Variants in SLC4A4 observed in about 807,000 individuals in gnomAD.
SLC4A4 encodes the protein solute carrier family 4 member 4, also known as electrogenic sodium bicarbonate cotransporter 1.
SLC4A4 carries 27 observed loss-of-function variants against 111.5 expected under a neutral mutation model. The ratio of observed to expected loss-of-function variants is 0.24; its 90% confidence interval spans 0.18 to 0.33. The LOEUF (loss-of-function observed/expected upper bound fraction) is 0.33. Among genes scored for constraint, SLC4A4 ranks in the 10% least tolerant of loss-of-function variants. The pLI, the probability that SLC4A4 is intolerant of heterozygous loss-of-function variation, is 1.00. For missense variants in SLC4A4, 909 were observed against 1,315.5 expected (o/e 0.69, Z 4.78); for synonymous variants, 443 against 463.4 (o/e 0.96, Z 0.57).
intron 13 of SLC4A4, among the ~76,000 whole-genome samples, chr4:71,470,056 T>A (rs549603923): frequency 3.9e-5 from 6 of 152,170 alleles, no homozygotes; most frequent in African/African-American, 1.4e-4. Flanking sequence ...ACTAGGTAAT[T>A]GTTTAAAATT....
At chr4:71,356,943 G>C (rs1730334874) in intron 5 of SLC4A4, 65 bp from the exon 6 acceptor site, 2 of 1,440,640 alleles carry the variant, frequency 1.4e-6, no homozygotes, top group South Asian at 1.2e-5. Flanking sequence ...CATAAAGTTA[G>C]AGTAAAAAAA....
intron 1 of SLC4A4, among the ~76,000 whole-genome samples, chr4:71,077,059 CATAATAT>C (rs749844238): frequency 6.8e-6 from 1 of 146,652 alleles, no homozygotes; most frequent in Non-Finnish European, 1.5e-5. Context: ...TATACATATA[CATAATAT>C]ATAATATATA....
intron 2 of SLC4A4, among the ~76,000 whole-genome samples, chr4:71,179,173 C>T (rs1297110942): frequency 6.6e-6 from 1 of 152,154 alleles, no homozygotes; most frequent in African/African-American, 2.4e-5. Flanking sequence ...GCTAAAAACT[C>T]TCAATAAATT....
At chr4:71,153,435 G>T (rs1048528089) in intron 2 of SLC4A4, among the ~76,000 whole-genome samples, 1 of 152,094 alleles carries the variant, frequency 6.6e-6, no homozygotes, top group African/African-American at 2.4e-5. Flanking sequence ...CTTCCTGGAA[G>T]TACTAGGGAG....
chr4:71,219,389 G>C (rs1718612319), intron 1 of SLC4A4, among the ~76,000 whole-genome samples: 1 of 152,194 alleles, frequency 6.6e-6, no homozygotes, highest in Non-Finnish European at 1.5e-5. Context: ...TTTATAGCAT[G>C]ATTTACTGAA....
At chr4:71,161,521 T>A (rs1286268646) in intron 2 of SLC4A4, among the ~76,000 whole-genome samples, 4 of 152,186 alleles carry the variant, frequency 2.6e-5, no homozygotes, top group Non-Finnish European at 5.9e-5. Context: ...TGGCTAACCT[T>A]ATTTGTAATT....
chr4:71,084,774 T>C (rs2148936481), intron 1 of SLC4A4, among the ~76,000 whole-genome samples: 1 of 152,224 alleles, frequency 6.6e-6, no homozygotes, highest in African/African-American at 2.4e-5. Context: ...ATGGTGTATA[T>C]GTGCCACATT....
chr4:71,286,304 G>A (rs1224976107), intron 3 of SLC4A4, among the ~76,000 whole-genome samples: 1 of 152,204 alleles, frequency 6.6e-6, no homozygotes, highest in Non-Finnish European at 1.5e-5. Context: ...TTGGGGTGGA[G>A]CCTGGAAGTG....
intron 2 of SLC4A4, among the ~76,000 whole-genome samples, chr4:71,138,778 T>A (rs1280698781): frequency 6.6e-6 from 1 of 152,138 alleles, no homozygotes; most frequent in Admixed American, 6.5e-5. Context: ...GGCTCACGCC[T>A]GTAATCCCAG....
At chr4:71,401,930 G>T (rs1302677227) in intron 7 of SLC4A4, among the ~76,000 whole-genome samples, 1 of 152,118 alleles carries the variant, frequency 6.6e-6, no homozygotes. Flanking sequence ...CTGCTTATCT[G>T]GTTATTATTT....
intron 14 of SLC4A4, among the ~76,000 whole-genome samples, chr4:71,485,257 T>A (rs1038246313): frequency 2.6e-5 from 4 of 151,810 alleles, no homozygotes; most frequent in Non-Finnish European, 5.9e-5. Flanking sequence ...CAATATGATG[T>A]TGGCTGTGGG....
chr4:71,501,369 G>A (rs2149158473), intron 16 of SLC4A4, among the ~76,000 whole-genome samples: 1 of 151,862 alleles, frequency 6.6e-6, no homozygotes, highest in Non-Finnish European at 1.5e-5. Flanking sequence ...GTAAGATCAT[G>A]TTGTCTGCTA....
intron 20 of SLC4A4, among the ~76,000 whole-genome samples, chr4:71,551,984 A>AC (rs1181939633): frequency 1.3e-5 from 2 of 151,834 alleles, no homozygotes; most frequent in Non-Finnish European, 2.9e-5. Flanking sequence ...TTTGAATCTG[A>AC]CCTTTGCAGC....
At chr4:71,128,315 T>C (rs1743612543) in intron 2 of SLC4A4, among the ~76,000 whole-genome samples, 1 of 152,040 alleles carries the variant, frequency 6.6e-6, no homozygotes, top group South Asian at 2.1e-4. Context: ...GTGAGACCCA[T>C]TCACAATCAT....
At chr4:71,391,542 A>T (rs1719267915) in intron 6 of SLC4A4, among the ~76,000 whole-genome samples, 1 of 152,126 alleles carries the variant, frequency 6.6e-6, no homozygotes. Flanking sequence ...GAATGTAATT[A>T]ATTTTTATAG....
chr4:71,284,316 G>A (rs1723743547), intron 3 of SLC4A4, among the ~76,000 whole-genome samples: 1 of 152,200 alleles, frequency 6.6e-6, no homozygotes, highest in South Asian at 2.1e-4. Flanking sequence ...AATCCTTGCT[G>A]TGATTTTTCT....
intron 12 of SLC4A4, among the ~76,000 whole-genome samples, chr4:71,454,653 A>G (rs1355328795): frequency 2.0e-5 from 3 of 152,178 alleles, no homozygotes; most frequent in Admixed American, 6.5e-5. Context: ...ATACAAAAAT[A>G]CTATGGAGAT....
intron 1 of SLC4A4, among the ~76,000 whole-genome samples, chr4:71,068,752 C>T (rs762975858): frequency 2.5e-4 from 38 of 151,614 alleles, no homozygotes; most frequent in Non-Finnish European, 4.3e-4. Context: ...TTTGTAGAGA[C>T]GAGGGGATCT....
intron 6 of SLC4A4, among the ~76,000 whole-genome samples, chr4:71,389,075 C>T (rs1202133025): frequency 6.6e-6 from 1 of 152,046 alleles, no homozygotes; most frequent in Non-Finnish European, 1.5e-5. Flanking sequence ...TGAACAGGGT[C>T]TAGGGAATTG....
Sources: allele counts gnomAD v4.1 joint callset (sites outside exome capture counted in the v4.1 genomes callset), GRCh38; gene constraint gnomAD v4.1.1; transcripts MANE v1.5; gene names NCBI Gene and HGNC (gene_info 2026-07-23, HGNC 2026-07-21).